Variants in DSCAML1 observed in about 807,000 individuals in gnomAD.
DSCAML1 encodes the protein DS cell adhesion molecule like 1, also known as cell adhesion molecule DSCAML1.
In DSCAML1, 38 loss-of-function variants were observed where a neutral mutation model predicts 200.5. The observed-to-expected ratio is 0.19, with a 90% confidence interval of 0.15 to 0.25. DSCAML1 has a LOEUF of 0.25. Ranked by LOEUF, DSCAML1 falls within the 10% of genes least tolerant of loss-of-function variation. DSCAML1 has a pLI of 1.00. For missense variants in DSCAML1, 2,223 were observed against 2,858.8 expected (o/e 0.78, Z 5.07); for synonymous variants, 1,215 against 1,165.0 (o/e 1.04, Z -0.87).
intron 3 of DSCAML1, among the ~76,000 whole-genome samples, chr11:117,648,193 C>T (rs1252356701): frequency 2.0e-5 from 3 of 152,194 alleles, no homozygotes; most frequent in Admixed American, 2.0e-4. Flanking sequence ...CCTCAGTGAC[C>T]TGGAAAGCAG....
At chr11:117,739,083 T>C (rs2054375655) in intron 3 of DSCAML1, among the ~76,000 whole-genome samples, 1 of 152,188 alleles carries the variant, frequency 6.6e-6, no homozygotes, top group Non-Finnish European at 1.5e-5. Context: ...ATCCTCCAAA[T>C]AATACCTCAG....
chr11:117,509,853 TG>T (rs1310561658), intron 8 of DSCAML1, among the ~76,000 whole-genome samples: 2 of 152,216 alleles, frequency 1.3e-5, no homozygotes, highest in African/African-American at 2.4e-5. Flanking sequence ...GGTGATGACC[TG>T]GGCCCTCTTT....
In DSCAML1 at chr11:117,439,405, G is replaced by A; in HGVS notation, c.4005C>T (p.Ser1335=). The change falls in exon 23 of 33, where the codon TCC becomes TCT. Residue 1335 remains serine, a synonymous_variant. Transcript: ENST00000651296. The stretch of plus-strand genomic sequence containing the variant: ...TGTGGATGAGCCGGTGCCCATCCAT[G>A]GACACTGGAATGGCCGAGTCTTCAC... ...KDSEDSAIPV[S]MDGHRLIHTN... is the part of the protein sequence containing the mutation. The A allele has an allele frequency of 6.2e-7, 1 of 1,613,498 alleles. No individual in the cohort carries two copies. The highest frequency in any genetic ancestry group is 8.5e-7 in the Non-Finnish European group (1 of 1,179,932).
At chr11:117,446,644 C>T (rs544695738) in intron 20 of DSCAML1, among the ~76,000 whole-genome samples, 1 of 152,218 alleles carries the variant, frequency 6.6e-6, no homozygotes, top group South Asian at 2.1e-4. Context: ...ATAAAAAATC[C>T]ATCTAACAAA....
chr11:117,814,525 A>T (rs1454430312), intron 1 of DSCAML1, among the ~76,000 whole-genome samples: 2 of 152,208 alleles, frequency 1.3e-5, no homozygotes, highest in African/African-American at 4.8e-5. Context: ...CTGGTTGGTA[A>T]TCAATCACTC....
chr11:117,551,087 G>A (rs781067146), intron 3 of DSCAML1, among the ~76,000 whole-genome samples: 35 of 152,174 alleles, frequency 2.3e-4, no homozygotes, highest in Non-Finnish European at 3.8e-4. Flanking sequence ...CACCCTACAC[G>A]TTGCGTTATC....
chr11:117,428,573 T>A lies in DSCAML1; in HGVS notation c.5917A>T (p.Thr1973Ser). 7 of 1,579,058 alleles carry A rather than the reference T, an allele frequency of 4.4e-6. No individual in the cohort carries two copies. Among genetic ancestry groups the A allele is most frequent in the Non-Finnish European group, 6.0e-6 (7 of 1,163,366 alleles). The change falls in exon 33 of 33, where the codon ACT becomes TCT. Residue 1973 changes from threonine to serine, a missense_variant. Coordinates refer to ENST00000651296, the MANE Select transcript of DSCAML1 (RefSeq NM_020693.4). ...AASTATLPQR[T>S]LAMPAPPAGT... ...GCTGGGGGGGCTGGCATGGCCAGAG[T>A]CCTCTGAGGTAAGGTGGCTGTGGAG...
At chr11:117,440,920 C>CAAAAAAAA (rs1170541792) in intron 21 of DSCAML1, among the ~76,000 whole-genome samples, 10 of 41,112 alleles carry the variant, frequency 2.4e-4, no homozygotes, top group African/African-American at 9.0e-4. Context: ...GACTCTGTCT[C>CAAAAAAAA]AAAAAAAAAA....
chr11:117,437,557 G>A lies in DSCAML1; in HGVS notation c.4433-148C>T, dbSNP rs934173555. ...TGTTTGGCACAGATGGGGTGGGGAA[G>A]CCCCAGGGCGCAGAGGAGGAAGAGG... On this transcript the variant is annotated intron_variant, in intron 25 of 32. Transcript: ENST00000651296. The surrounding 1 kb of genome is among the most constrained non-coding windows in gnomAD (Gnocchi z 5.3). 9.0e-6 allele frequency: 9 copies of A among 998,698 alleles called. No individual in the cohort carries two copies. The highest frequency in any genetic ancestry group is 1.3e-5 in the Non-Finnish European group (9 of 683,036). The allele number at this position is 998,698 out of a possible 1,614,324, so 61.9% of individuals were successfully genotyped here. A position where few individuals can be genotyped will look rare whatever the true frequency, so the allele number is the denominator to read the frequency against.
intron 1 of DSCAML1, among the ~76,000 whole-genome samples, chr11:117,804,762 T>G (rs903440025): frequency 2.0e-5 from 3 of 152,076 alleles, no homozygotes; most frequent in African/African-American, 7.2e-5. Context: ...GAGACCCATC[T>G]CTACAAAAAC....
At chr11:117,655,871 G>T (rs1302006986) in intron 3 of DSCAML1, among the ~76,000 whole-genome samples, 1 of 152,224 alleles carries the variant, frequency 6.6e-6, no homozygotes. Flanking sequence ...CCTACAGAAA[G>T]CCACAGAAAG....
intron 3 of DSCAML1, among the ~76,000 whole-genome samples, chr11:117,607,935 G>A (rs2051604896): frequency 1.3e-5 from 2 of 152,212 alleles, no homozygotes; most frequent in Middle Eastern, 3.2e-3. Flanking sequence ...TCCCACCAGA[G>A]CGTTTAAACT....
chr11:117,428,488 G>A lies in DSCAML1; in HGVS notation c.6002C>T (p.Ala2001Val). 6.5e-7 allele frequency: 1 copy of A among 1,534,852 alleles called. No individual in the cohort carries two copies. ...TPAEPPTAPS[A>V]APPAPSTEPP... is the part of the protein sequence containing the mutation. ...CTCGGTGCTGGGGGCCGGAGGGGCA[G>A]CGCTGGGGGCGGTGGGTGGCTCAGC... The change falls in exon 33 of 33, where the codon GCT (alanine) becomes GTT (valine). Residue 2001 changes from alanine (A) to valine (V), a missense_variant. Ala to Val is a moderately conservative substitution (Grantham distance 64, BLOSUM62 0). This residue lies in a region of DSCAML1 where 280 missense variants were observed against 213.4 expected (regional missense o/e 1.31). Coordinates refer to ENST00000651296, the MANE Select transcript of DSCAML1 (RefSeq NM_020693.4).
At chr11:117,810,249 C>T (rs2055749992) in intron 1 of DSCAML1, among the ~76,000 whole-genome samples, 1 of 151,404 alleles carries the variant, frequency 6.6e-6, no homozygotes, top group South Asian at 2.1e-4. Context: ...CCCAAAACTC[C>T]GTGGACTCAA....
chr11:117,550,658 C>T (rs1348266368), intron 3 of DSCAML1, among the ~76,000 whole-genome samples: 1 of 152,246 alleles, frequency 6.6e-6, no homozygotes, highest in Non-Finnish European at 1.5e-5. Flanking sequence ...CCTGGACACG[C>T]ACTGCCTCCC....
chr11:117,695,315 C>CTTTTTTTTTTTTTTTTTTTTT (rs753748981), intron 3 of DSCAML1, among the ~76,000 whole-genome samples: 5 of 116,692 alleles, frequency 4.3e-5, no homozygotes, highest in African/African-American at 9.6e-5. Flanking sequence ...CTTTCTTTTT[C>CTTTTTTTTTTTTTTTTTTTTT]TTTTTTTTTT....
intron 3 of DSCAML1, among the ~76,000 whole-genome samples, chr11:117,654,285 C>T (rs975240749): frequency 6.6e-6 from 1 of 152,130 alleles, no homozygotes; most frequent in Non-Finnish European, 1.5e-5. Context: ...GATGGTTGCA[C>T]ATATCTGTGA....
chr11:117,766,924 G>T (rs2054908115), intron 3 of DSCAML1, among the ~76,000 whole-genome samples: 1 of 152,086 alleles, frequency 6.6e-6, no homozygotes, highest in Non-Finnish European at 1.5e-5. Context: ...TCTCTGGGAG[G>T]GGGTGCTTTG....
chr11:117,595,385 T>G (rs1353354161), intron 3 of DSCAML1, among the ~76,000 whole-genome samples: 2 of 152,210 alleles, frequency 1.3e-5, no homozygotes, highest in African/African-American at 4.8e-5. Flanking sequence ...GAGATAGACT[T>G]GGTATATTTC....
Sources: gnomAD v4.1 joint callset for allele counts (sites outside exome capture counted in the v4.1 genomes callset) on GRCh38, gnomAD v4.1.1 for gene constraint, gnomAD v4.1.1 regional missense constraint, Gnocchi (gnomAD v3.1) non-coding constraint, MANE v1.5 for transcripts, NCBI Gene and HGNC (gene_info 2026-07-23, HGNC 2026-07-21) for gene names.